Variants in ARHGEF4 observed in about 807,000 individuals in gnomAD.
ARHGEF4 encodes Rho guanine nucleotide exchange factor 4, also known as APC-stimulated guanine nucleotide exchange factor 1.
A neutral mutation model predicts 162.0 loss-of-function variants in ARHGEF4; 119 were observed. The observed-to-expected ratio is 0.73, with a 90% CI of 0.63 to 0.86. ARHGEF4 has a LOEUF of 0.86. Ranked by LOEUF, ARHGEF4 falls within the 40% of genes least tolerant of loss-of-function variation. The pLI, the probability that ARHGEF4 is intolerant of heterozygous loss-of-function variation, is 0.00. For synonymous variants in ARHGEF4, 1,014 were observed against 979.9 expected, an observed-to-expected ratio of 1.03 and a Z score of -0.65; for missense variants, 2,488 against 2,456.0, an observed-to-expected ratio of 1.01 and a Z score of -0.28.
At chr2:130,980,021 T>C (rs1686020437) in intron 4 of ARHGEF4, among the ~76,000 whole-genome samples, 1 of 152,220 alleles carries the variant, frequency 6.6e-6, no homozygotes, top group Admixed American at 6.5e-5. Flanking sequence ...CAAACCACTG[T>C]ATTAAAGTAG....
chr2:130,885,951 C>G (rs923813439), intron 1 of ARHGEF4, among the ~76,000 whole-genome samples: 1 of 151,896 alleles, frequency 6.6e-6, no homozygotes, highest in African/African-American at 2.4e-5. Context: ...AAGCAAATAC[C>G]CACATAATCA....
At chr2:130,971,659 A>AG (rs1482330286) in intron 4 of ARHGEF4, among the ~76,000 whole-genome samples, 357 of 151,240 alleles carry the variant, frequency 2.4e-3, no homozygotes, top group African/African-American at 8.4e-3. Flanking sequence ...CTGTCTCAAA[A>AG]AAAAAAAAAA....
At chr2:130,950,157 G>A (rs752347740) in intron 4 of ARHGEF4, among the ~76,000 whole-genome samples, 39 of 152,228 alleles carry the variant, frequency 2.6e-4, no homozygotes, top group Admixed American at 1.0e-3. Flanking sequence ...CCATGAGTCA[G>A]CGCCTAGAGG....
chr2:130,972,343 G>GAA lies in ARHGEF4; in HGVS notation c.3985+25712_3985+25713dup, dbSNP rs570833572. On this transcript the variant is annotated intron_variant, in intron 4 of 13. Transcript: ENST00000409359. Reference sequence around the variant, plus strand: ...GAGTTAAAGATACCTTGAAAGAAAAGAAAAAGGAGATCCTTATATTCCAGA... The same window carrying GAA: ...GAGTTAAAGATACCTTGAAAGAAAAGAAAAAAAGGAGATCCTTATATTCCAGA... 5.3e-3 allele frequency among the ~76,000 whole-genome samples: 810 copies of GAA among 152,174 alleles called. 2 individuals are homozygous for GAA. Among genetic ancestry groups the GAA allele is most frequent in the Non-Finnish European group, 8.1e-3 (552 of 67,974 alleles).
At chr2:130,872,107 G>A (rs1451704972) in intron 1 of ARHGEF4, among the ~76,000 whole-genome samples, 2 of 152,236 alleles carry the variant, frequency 1.3e-5, no homozygotes, top group African/African-American at 2.4e-5. Flanking sequence ...TAAACTGTTA[G>A]CTCCTTCCTC....
chr2:130,874,803 A>G (rs1678715810), intron 1 of ARHGEF4, among the ~76,000 whole-genome samples: 1 of 152,150 alleles, frequency 6.6e-6, no homozygotes, highest in Non-Finnish European at 1.5e-5. Context: ...ACCGCTGACA[A>G]CCCACAGATC....
chr2:131,046,041 T>C lies in ARHGEF4; in HGVS notation c.5483T>C (p.Val1828Ala). 1 of 1,610,578 alleles carries C rather than the reference T, an allele frequency of 6.2e-7. No homozygotes were observed. Among genetic ancestry groups the C allele is most frequent in the Non-Finnish European group, 8.5e-7 (1 of 1,178,312 alleles). Residue 1828 changes from valine (V) to alanine (A), a missense_variant, in exon 14 of 14, where the codon GTT (valine) becomes GCT (alanine). Coordinates refer to ENST00000409359, the MANE Select transcript of ARHGEF4 (RefSeq NM_001367493.1). ...KQQVTGKPKA[V>A]GRPCYLTRQK... ...TCTGCTGTCTCTCCCTGTTCAGCTG[T>C]TGGCCGGCCCTGCTACCTGACGCGC...
chr2:130,868,701 C>G (rs1027100416), intron 1 of ARHGEF4, among the ~76,000 whole-genome samples: 1 of 152,160 alleles, frequency 6.6e-6, no homozygotes, highest in African/African-American at 2.4e-5. Flanking sequence ...GTATGACTTT[C>G]CTGTAGCTGC....
Position 131,046,131 on chromosome 2 carries a change from G to A in ARHGEF4, c.5573G>A (p.Arg1858Lys). The A allele has an allele frequency of 3.7e-6, 6 of 1,613,022 alleles. No homozygotes were observed. Among genetic ancestry groups the A allele is most frequent in the Non-Finnish European group, 5.1e-6 (6 of 1,179,908 alleles). ...CAGGTCCTGGTGCTGGCGGAGCCCA[G>A]GCGCAAGCCATCTACCTTCTGGCAC... Reference protein sequence around the residue: ...QQQVLVLAEPRRKPSTFWHSI... With the variant: ...QQQVLVLAEPKRKPSTFWHSI... The change falls in exon 14 of 14, where the codon AGG becomes AAG. Residue 1858 changes from arginine to lysine, a missense_variant. Arg to Lys is a conservative substitution (Grantham distance 26, BLOSUM62 2). Coordinates refer to ENST00000409359, the MANE Select transcript of ARHGEF4 (RefSeq NM_001367493.1).
chr2:130,906,768 C>G (rs1243996642), intron 1 of ARHGEF4, among the ~76,000 whole-genome samples: 1 of 152,234 alleles, frequency 6.6e-6, no homozygotes, highest in Non-Finnish European at 1.5e-5. Context: ...CTTAGGTCAG[C>G]TCCTTTATTT....
At chr2:131,012,783 G>A (rs1437711530) in intron 4 of ARHGEF4, among the ~76,000 whole-genome samples, 5 of 152,200 alleles carry the variant, frequency 3.3e-5, no homozygotes, top group African/African-American at 1.2e-4. Flanking sequence ...GTTCTGCCAT[G>A]TTCGCCAGGC....
rs75467474 is a variant in ARHGEF4 at position 130,885,897 on chromosome 2, A to G, written c.40-28089A>G. ...TTCTTCTTTTATTTTGTAATTTAATATACTCATAACTTCATGAGACATGTA... is the reference window on the plus strand; with the variant it reads ...TTCTTCTTTTATTTTGTAATTTAATGTACTCATAACTTCATGAGACATGTA... On this transcript the variant is annotated intron_variant, in intron 1 of 13. Transcript: ENST00000409359. Among the ~76,000 whole-genome samples the G allele has an allele frequency of 3.8e-3, 579 of 152,060 alleles. 8 individuals are homozygous for G. Among genetic ancestry groups the G allele is most frequent in the Non-Finnish European group, 3.7e-3 (254 of 68,006 alleles).
rs371675465 is a variant in ARHGEF4 at position 131,031,586 on chromosome 2, A to G, written c.4125+3502A>G. Among the ~76,000 whole-genome samples, 11 of 152,348 alleles carry G rather than the reference A, an allele frequency of 7.2e-5. No homozygotes were observed. The East Asian group carries it at 9.6e-4, about 13-fold the overall frequency. ...CCCATATGGGCCTGAGGAACGTGCA[A>G]ACAGGCACAATGTCTCGTTCCTTCT... On this transcript the variant is annotated intron_variant, in intron 5 of 13. Transcript: ENST00000409359.
intron 6 of ARHGEF4, chr2:131,039,748 C>T (rs1573698805): frequency 5.1e-6 from 7 of 1,361,458 alleles, no homozygotes; most frequent in Non-Finnish European, 6.6e-6. Flanking sequence ...GCGCTCCAGC[C>T]TCTGTGCCGG....
chr2:130,920,521 C>T (rs1264511046), intron 2 of ARHGEF4, among the ~76,000 whole-genome samples: 1 of 151,874 alleles, frequency 6.6e-6, no homozygotes, highest in Admixed American at 6.6e-5. Flanking sequence ...ACATAGGGAA[C>T]GGGAAGGGAA....
At chr2:130,895,133 C>A (rs1680082724) in intron 1 of ARHGEF4, among the ~76,000 whole-genome samples, 1 of 152,184 alleles carries the variant, frequency 6.6e-6, no homozygotes, top group African/African-American at 2.4e-5. Context: ...CCGCCACTCA[C>A]CGCTCTAGGT....
intron 1 of ARHGEF4, among the ~76,000 whole-genome samples, chr2:130,885,200 A>T (rs762376161): frequency 5.9e-5 from 9 of 152,014 alleles, no homozygotes; most frequent in African/African-American, 2.2e-4. Context: ...CACTGTAATC[A>T]TGTTTACTTG....
intron 4 of ARHGEF4, among the ~76,000 whole-genome samples, chr2:130,982,164 A>C (rs1350107896): frequency 2.0e-5 from 3 of 152,094 alleles, no homozygotes; most frequent in Middle Eastern, 3.4e-3. Flanking sequence ...ACGCCCTGCT[A>C]GTTTTCATAT....
intron 3 of ARHGEF4, among the ~76,000 whole-genome samples, chr2:130,936,350 C>T (rs1043672498): frequency 8.5e-5 from 13 of 152,260 alleles, no homozygotes; most frequent in East Asian, 1.9e-4. Context: ...TTTGTAGGTA[C>T]GTATGTTTGT....
Sources: allele counts gnomAD v4.1 joint callset (sites outside exome capture counted in the v4.1 genomes callset), GRCh38; gene constraint gnomAD v4.1.1; transcripts MANE v1.5; gene names NCBI Gene and HGNC (gene_info 2026-07-23, HGNC 2026-07-21).